Variants in DCDC1 observed in about 807,000 individuals in gnomAD.
The protein encoded by DCDC1 is doublecortin domain containing 1, also known as doublecortin domain-containing protein 1.
DCDC1 carries 200 observed loss-of-function variants against 178.3 expected under a neutral mutation model. The observed-to-expected ratio is 1.12, with a 90% CI of 1.00 to 1.26. The LOEUF (loss-of-function observed/expected upper bound fraction) is 1.26. Among genes scored for constraint, DCDC1 ranks in the 50% most tolerant of loss-of-function variants. The pLI is 0.00. For missense variants in DCDC1, 1,983 were observed against 1,749.2 expected (o/e 1.13, Z -2.38); for synonymous variants, 690 against 604.8 (o/e 1.14, Z -2.07).
At chr11:31,213,091 A>G (rs1191062074) in intron 9 of DCDC1, among the ~76,000 whole-genome samples, 2 of 119,152 alleles carry the variant, frequency 1.7e-5, no homozygotes, top group Non-Finnish European at 3.5e-5. Flanking sequence ...TCTTCTATAT[A>G]AAGCCCAGCC....
At chr11:30,867,619 C>CT (rs1465709702) in intron 38 of DCDC1, among the ~76,000 whole-genome samples, 1 of 152,146 alleles carries the variant, frequency 6.6e-6, no homozygotes, top group African/African-American at 2.4e-5. Context: ...GAATCTTTCC[C>CT]TGGAAGGAGT....
chr11:30,898,688 A>T (rs1480405225), intron 34 of DCDC1, among the ~76,000 whole-genome samples: 1 of 152,154 alleles, frequency 6.6e-6, no homozygotes, highest in African/African-American at 2.4e-5. Flanking sequence ...AGTAGTCATT[A>T]TTTTCACTTA....
intron 20 of DCDC1, among the ~76,000 whole-genome samples, chr11:31,035,909 A>G (rs1179191095): frequency 6.6e-6 from 1 of 152,222 alleles, no homozygotes; most frequent in African/African-American, 2.4e-5. Context: ...GGATGCGTTT[A>G]TAAGAGTATA....
At chr11:31,018,022 A>G (rs1444424958) in intron 20 of DCDC1, among the ~76,000 whole-genome samples, 1 of 152,124 alleles carries the variant, frequency 6.6e-6, no homozygotes, top group Non-Finnish European at 1.5e-5. Context: ...TTAACTGTGG[A>G]TATTTTGTAA....
At chr11:31,202,260 C>G (rs1308082020) in intron 9 of DCDC1, among the ~76,000 whole-genome samples, 3 of 152,172 alleles carry the variant, frequency 2.0e-5, no homozygotes, top group Non-Finnish European at 4.4e-5. Flanking sequence ...AATGACTGAA[C>G]TTTAAAGCTA....
chr11:31,158,482 C>G (rs548355892), intron 9 of DCDC1, among the ~76,000 whole-genome samples: 1 of 152,240 alleles, frequency 6.6e-6, no homozygotes, highest in Non-Finnish European at 1.5e-5. Context: ...ACTTAATCCT[C>G]TTAACTGAAA....
intron 9 of DCDC1, among the ~76,000 whole-genome samples, chr11:31,212,082 CA>C (rs34957766): frequency 0.011 from 1,030 of 90,090 alleles, 6 homozygotes; most frequent in African/African-American, 0.038. Flanking sequence ...GACTCAGTCT[CA>C]AAAAAAAAAA....
At chr11:31,358,657 C>T (rs1381542772) in intron 1 of DCDC1, among the ~76,000 whole-genome samples, 1 of 152,046 alleles carries the variant, frequency 6.6e-6, no homozygotes, top group Non-Finnish European at 1.5e-5. Flanking sequence ...AGGCAACCTA[C>T]AAAATGGGAC....
chr11:31,261,338 C>T (rs1944766794), intron 8 of DCDC1, among the ~76,000 whole-genome samples: 1 of 152,078 alleles, frequency 6.6e-6, no homozygotes, highest in South Asian at 2.1e-4. Context: ...GAATGGTTTT[C>T]CCAAACCCTA....
intron 17 of DCDC1, among the ~76,000 whole-genome samples, chr11:31,083,406 A>G (rs1957303344): frequency 6.6e-6 from 1 of 152,194 alleles, no homozygotes; most frequent in Admixed American, 6.5e-5. Context: ...TTTTACATGT[A>G]GGGGCTTTTG....
intron 9 of DCDC1, among the ~76,000 whole-genome samples, chr11:31,154,849 G>A (rs867409996): frequency 1.3e-5 from 2 of 152,146 alleles, no homozygotes; most frequent in Admixed American, 6.6e-5. Context: ...TCTGGAGCGC[G>A]AGTGTCCATT....
Position 30,925,318 on chromosome 11 carries a change from T to C in DCDC1, c.2988A>G (p.Arg996=). 1.2e-6 allele frequency: 2 copies of C among 1,613,454 alleles called. No homozygotes were observed. Among genetic ancestry groups the C allele is most frequent in the Non-Finnish European group, 1.7e-6 (2 of 1,179,514 alleles). ...AAATCCATGTCTTTACCAGTTCATC[T>C]CTTTGCAGGTCTTTTAAGGCAAATA... ...KEIFALKDLQ[R]DELVYVSCGE... Residue 996 remains arginine, a synonymous_variant, in exon 23 of 39, where the codon AGA becomes AGG. Coordinates refer to ENST00000684477, the MANE Select transcript of DCDC1 (RefSeq NM_001387274.1).
chr11:31,353,525 T>C (rs1535741), intron 1 of DCDC1, among the ~76,000 whole-genome samples: 102,667 of 152,022 alleles, frequency 0.68, 35,357 homozygotes, highest in African/African-American at 0.79. Flanking sequence ...AATGCCTAAA[T>C]ATGTGGCCCA....
At chr11:30,886,552 T>C (rs1436931070) in intron 36 of DCDC1, among the ~76,000 whole-genome samples, 1 of 152,004 alleles carries the variant, frequency 6.6e-6, no homozygotes, top group African/African-American at 2.4e-5. Flanking sequence ...CCTTGTTGTG[T>C]CCTGATATGG....
At chr11:31,199,714 C>T (rs1196245806) in intron 9 of DCDC1, among the ~76,000 whole-genome samples, 1 of 151,992 alleles carries the variant, frequency 6.6e-6, no homozygotes, top group African/African-American at 2.4e-5. Context: ...AATAGAATTC[C>T]TAGTGTACAA....
intron 9 of DCDC1, among the ~76,000 whole-genome samples, chr11:31,162,757 G>T (rs539569346): frequency 6.6e-6 from 1 of 152,110 alleles, no homozygotes; most frequent in South Asian, 2.1e-4. Context: ...TTGTTCCAAG[G>T]ATATCATTCT....
At chr11:31,244,090 A>C (rs892874686) in intron 8 of DCDC1, among the ~76,000 whole-genome samples, 3 of 151,834 alleles carry the variant, frequency 2.0e-5, no homozygotes, top group African/African-American at 7.2e-5. Flanking sequence ...GATACGCCTA[A>C]GTACTTAAAA....
intron 9 of DCDC1, among the ~76,000 whole-genome samples, chr11:31,158,838 T>C (rs570128019): frequency 3.9e-5 from 6 of 152,288 alleles, no homozygotes; most frequent in South Asian, 4.1e-4. Context: ...TCTGCTTATA[T>C]CTAAATAAGC....
chr11:31,156,789 TA>T (rs1965757699), intron 9 of DCDC1, among the ~76,000 whole-genome samples: 1 of 152,192 alleles, frequency 6.6e-6, no homozygotes, highest in South Asian at 2.1e-4. Context: ...TTAAAGATGA[TA>T]ACTGCCACTC....
Sources: allele counts gnomAD v4.1 joint callset (sites outside exome capture counted in the v4.1 genomes callset), GRCh38; gene constraint gnomAD v4.1.1; transcripts MANE v1.5; gene names NCBI Gene and HGNC (gene_info 2026-07-23, HGNC 2026-07-21).